The following ST8SIA6 variants were observed in gnomAD, a reference collection of about 807,000 sequenced individuals.
The protein encoded by ST8SIA6 is ST8 alpha-N-acetyl-neuraminide alpha-2,8-sialyltransferase 6, also known as alpha-2,8-sialyltransferase 8F.
Under a neutral mutation model 33.6 loss-of-function variants are expected in ST8SIA6, and 39 were observed. The observed-to-expected ratio is 1.16, with a 90% CI of 0.90 to 1.52. The LOEUF is 1.52. Among genes scored for constraint, ST8SIA6 ranks in the 40% most tolerant of loss-of-function variants. ST8SIA6 has a pLI of 0.00. For missense variants in ST8SIA6, 441 were observed against 443.8 expected, an observed-to-expected ratio of 0.99 and a Z score of 0.06; for synonymous variants, 172 against 167.2, an observed-to-expected ratio of 1.03 and a Z score of -0.22.
intron 3 of ST8SIA6, among the ~76,000 whole-genome samples, chr10:17,361,398 A>C (rs1849383478): frequency 6.6e-6 from 1 of 152,044 alleles, no homozygotes; most frequent in Admixed American, 6.6e-5. Flanking sequence ...ACTTAGGTGC[A>C]GTGGAGATAT....
intron 2 of ST8SIA6, among the ~76,000 whole-genome samples, chr10:17,442,656 A>G (rs1852541989): frequency 6.6e-6 from 1 of 152,230 alleles, no homozygotes; most frequent in South Asian, 2.1e-4. Flanking sequence ...TACAAATATC[A>G]TAAGACTTTA....
chr10:17,410,865 G>A (rs988187522), intron 2 of ST8SIA6, among the ~76,000 whole-genome samples: 1 of 152,102 alleles, frequency 6.6e-6, no homozygotes, highest in African/African-American at 2.4e-5. Flanking sequence ...TATTTAAAAT[G>A]ATGTTACTCA....
chr10:17,387,686 CTAA>C (rs1350338163), intron 3 of ST8SIA6, among the ~76,000 whole-genome samples: 2 of 152,162 alleles, frequency 1.3e-5, no homozygotes, highest in Non-Finnish European at 2.9e-5. Flanking sequence ...TCAAGCTTTC[CTAA>C]TAATTTCAAA....
intron 2 of ST8SIA6, among the ~76,000 whole-genome samples, chr10:17,437,137 TTC>T (rs146561377): frequency 8.7e-5 from 13 of 149,862 alleles, no homozygotes; most frequent in African/African-American, 2.2e-4. Flanking sequence ...ACAGATTCAT[TTC>T]TCTCTCTCTC....
chr10:17,439,321 C>T (rs528274145), intron 2 of ST8SIA6, among the ~76,000 whole-genome samples: 9 of 150,316 alleles, frequency 6.0e-5, no homozygotes, highest in African/African-American at 2.2e-4. Flanking sequence ...TCTCTGTCAC[C>T]CAGACTGGAG....
intron 2 of ST8SIA6, among the ~76,000 whole-genome samples, chr10:17,440,250 A>C (rs1282967311): frequency 6.8e-6 from 1 of 146,664 alleles, no homozygotes; most frequent in Non-Finnish European, 1.5e-5. Context: ...TCTGTCACTC[A>C]GGCTGGAGTG....
intron 2 of ST8SIA6, among the ~76,000 whole-genome samples, chr10:17,451,743 C>A (rs1362635827): frequency 6.6e-6 from 1 of 152,064 alleles, no homozygotes; most frequent in African/African-American, 2.4e-5. Flanking sequence ...TCTATACAAC[C>A]AAGTAGTATG....
intron 4 of ST8SIA6, among the ~76,000 whole-genome samples, chr10:17,333,711 A>ATTT (rs1564405095): frequency 8.2e-5 from 2 of 24,368 alleles, no homozygotes; most frequent in East Asian, 3.2e-3. Flanking sequence ...ATATATATAT[A>ATTT]TATATATTTT....
At chr10:17,386,464 G>A (rs551673736) in intron 3 of ST8SIA6, among the ~76,000 whole-genome samples, 58 of 152,114 alleles carry the variant, frequency 3.8e-4, no homozygotes, top group African/African-American at 1.2e-3. Flanking sequence ...ACTTGAACCC[G>A]GGAGGTGGAG....
intron 3 of ST8SIA6, among the ~76,000 whole-genome samples, chr10:17,384,902 C>CTTCA (rs1236116001): frequency 2.0e-5 from 3 of 152,050 alleles, no homozygotes; most frequent in African/African-American, 7.2e-5. Flanking sequence ...GGACAGGAGA[C>CTTCA]TTCACAACCT....
intron 2 of ST8SIA6, among the ~76,000 whole-genome samples, chr10:17,433,399 A>G (rs890625850): frequency 5.9e-5 from 9 of 152,232 alleles, no homozygotes; most frequent in African/African-American, 2.2e-4. Context: ...TTTAATATCC[A>G]ACCGTTGGTA....
intron 2 of ST8SIA6, among the ~76,000 whole-genome samples, chr10:17,430,903 G>A (rs1403294266): frequency 1.3e-5 from 2 of 152,114 alleles, no homozygotes; most frequent in Admixed American, 1.3e-4. Flanking sequence ...TGCTCAGTGT[G>A]ATCTGGGGCT....
chr10:17,342,265 T>C (rs2131598330), intron 4 of ST8SIA6, among the ~76,000 whole-genome samples: 1 of 152,236 alleles, frequency 6.6e-6, no homozygotes, highest in African/African-American at 2.4e-5. Context: ...GGAGCTTACG[T>C]GTATTAAGAG....
At chr10:17,366,048 A>G (rs990036409) in intron 3 of ST8SIA6, among the ~76,000 whole-genome samples, 4 of 152,190 alleles carry the variant, frequency 2.6e-5, no homozygotes, top group South Asian at 2.1e-4. Flanking sequence ...AATACAGTCA[A>G]TCATTTCCAC....
intron 2 of ST8SIA6, chr10:17,409,407 T>C (rs565101405): frequency 6.6e-6 from 1 of 152,574 alleles, no homozygotes; most frequent in South Asian, 2.1e-4. Context: ...AAAACAAAGT[T>C]TAATAGGGTA....
In ST8SIA6 at chr10:17,319,330, T is replaced by C. The variant is rs1847869959; in HGVS notation, c.*1548A>G. On this transcript the variant is annotated 3_prime_UTR_variant, in exon 8 of 8. Transcript: ENST00000377602. ...TTTGTAGATTAATTACCACCAATTC[T>C]GACTATAACACACTTTATGAAATCT... Among the ~76,000 whole-genome samples the C allele has an allele frequency of 1.3e-5, 2 of 152,162 alleles. No individual in the cohort carries two copies. Among genetic ancestry groups the C allele is most frequent in the African/African-American group, 4.8e-5 (2 of 41,446 alleles).
At chr10:17,336,060 A>G (rs559291652) in intron 4 of ST8SIA6, among the ~76,000 whole-genome samples, 3 of 151,876 alleles carry the variant, frequency 2.0e-5, no homozygotes, top group South Asian at 4.2e-4. Flanking sequence ...GGTTCAAGCA[A>G]TTCTCCTACC....
chr10:17,331,668 T>C (rs948569933), intron 4 of ST8SIA6, 116 bp from the exon 5 acceptor site: 2 of 1,050,846 alleles, frequency 1.9e-6, no homozygotes, highest in Non-Finnish European at 2.6e-6. Context: ...AAAAAGAAGA[T>C]AATTATTCAC....
intron 2 of ST8SIA6, among the ~76,000 whole-genome samples, chr10:17,402,934 A>G (rs902577827): frequency 6.6e-6 from 1 of 152,324 alleles, no homozygotes; most frequent in Non-Finnish European, 1.5e-5. Context: ...ATAATAAAAA[A>G]TAACAACAAC....
Sources: allele counts gnomAD v4.1 joint callset (sites outside exome capture counted in the v4.1 genomes callset), GRCh38; gene constraint gnomAD v4.1.1; transcripts MANE v1.5; gene names NCBI Gene and HGNC (gene_info 2026-07-23, HGNC 2026-07-21).